DLG2: variants seen among roughly 807,000 people sequenced by gnomAD.
DLG2 encodes discs large MAGUK scaffold protein 2, also known as disks large homolog 2.
DLG2 carries 45 observed loss-of-function variants against 132.5 expected under a neutral mutation model. That is an observed-to-expected ratio of 0.34 (90% CI 0.27 to 0.44). DLG2 has a LOEUF of 0.44. DLG2 is among the 20% of genes least tolerant of loss of function. DLG2 has a pLI of 1.00. For missense variants in DLG2, 1,045 were observed against 1,196.9 expected, an observed-to-expected ratio of 0.87 and a Z score of 1.87; for synonymous variants, 424 against 419.6, an observed-to-expected ratio of 1.01 and a Z score of -0.13.
At chr11:84,709,272 C>T (rs1399991513) in intron 6 of DLG2, among the ~76,000 whole-genome samples, 2 of 151,886 alleles carry the variant, frequency 1.3e-5, no homozygotes, top group Non-Finnish European at 2.9e-5. Context: ...GTCTGGTTGA[C>T]ACAGTTAACT....
intron 3 of DLG2, among the ~76,000 whole-genome samples, chr11:85,447,489 A>C (rs2092062875): frequency 6.6e-6 from 1 of 152,178 alleles, no homozygotes; most frequent in Non-Finnish European, 1.5e-5. Context: ...ACCATATGAC[A>C]ATACAAGGGG....
rs566005531 is a variant in DLG2 at position 83,746,623 on chromosome 11, T to G, written c.1825+40067A>C. On this transcript the variant is annotated intron_variant, in intron 18 of 27. Coordinates refer to ENST00000376104, the MANE Select transcript of DLG2 (RefSeq NM_001142699.3). ...GGATAGCATTAGGAGATATACCTAA[T>G]GTAAATGACGAGTTACTGGGTGCAG... Among the ~76,000 whole-genome samples the G allele has an allele frequency of 7.2e-5, 11 of 152,236 alleles. No homozygotes were observed. In the East Asian group the frequency reaches 1.9e-3, roughly 27 times the overall value.
intron 6 of DLG2, among the ~76,000 whole-genome samples, chr11:84,938,250 A>G (rs1182550757): frequency 6.6e-6 from 1 of 152,156 alleles, no homozygotes; most frequent in Non-Finnish European, 1.5e-5. Context: ...AGCATCTTCC[A>G]CAGGGTTCTT....
At chr11:83,493,375 C>T (rs191303216) in intron 21 of DLG2, among the ~76,000 whole-genome samples, 1 of 71,288 alleles carries the variant, frequency 1.4e-5, no homozygotes, top group Non-Finnish European at 3.1e-5. Context: ...TTCCTTCCTT[C>T]CTTCCTTCCT....
rs138171986 is a variant in DLG2 at position 83,645,365 on chromosome 11, A to G, written c.1826-12040T>C. 5.3e-3 allele frequency among the ~76,000 whole-genome samples: 813 copies of G among 152,240 alleles called. 9 individuals carry two copies. The highest frequency in any genetic ancestry group is 0.019 in the African/African-American group (779 of 41,562). On this transcript the variant is annotated intron_variant, in intron 18 of 27. Transcript: ENST00000376104. ...ACATCTTTAACAGTTGAAGCAATTTATACACTTTAACAATTGAAGCAATTT... is the reference window on the plus strand; with the variant it reads ...ACATCTTTAACAGTTGAAGCAATTTGTACACTTTAACAATTGAAGCAATTT...
intron 3 of DLG2, among the ~76,000 whole-genome samples, chr11:85,296,383 C>T (rs945727089): frequency 6.6e-6 from 1 of 151,686 alleles, no homozygotes; most frequent in Non-Finnish European, 1.5e-5. Flanking sequence ...TAAAATACAA[C>T]ATCCCTCTCA....
chr11:83,515,802 A>G (rs1313222253), intron 21 of DLG2, among the ~76,000 whole-genome samples: 1 of 152,216 alleles, frequency 6.6e-6, no homozygotes, highest in Non-Finnish European at 1.5e-5. Flanking sequence ...ATTCAGGAGC[A>G]GGTTGTTCAG....
chr11:83,561,620 C>T (rs2096610458), intron 19 of DLG2, among the ~76,000 whole-genome samples: 3 of 152,176 alleles, frequency 2.0e-5, no homozygotes, highest in Admixed American at 2.0e-4. Context: ...TTAAGAATCA[C>T]ATACAGTGCT....
chr11:84,000,776 T>G (rs1183826585), intron 11 of DLG2, among the ~76,000 whole-genome samples: 1 of 151,774 alleles, frequency 6.6e-6, no homozygotes, highest in Non-Finnish European at 1.5e-5. Context: ...CTTAATAAAT[T>G]AAGAAAAAAT....
At chr11:84,236,253 A>C (rs1287748534) in intron 8 of DLG2, among the ~76,000 whole-genome samples, 1 of 152,254 alleles carries the variant, frequency 6.6e-6, no homozygotes, top group Non-Finnish European at 1.5e-5. Context: ...TGAGTTAAAT[A>C]AACTTTTGGC....
chr11:84,188,253 A>G (rs981363786), intron 8 of DLG2, among the ~76,000 whole-genome samples: 1 of 152,162 alleles, frequency 6.6e-6, no homozygotes, highest in Non-Finnish European at 1.5e-5. Context: ...TGAATACTCA[A>G]TATGCTTGTC....
chr11:84,216,333 G>T (rs1443815727), intron 8 of DLG2, among the ~76,000 whole-genome samples: 1 of 152,110 alleles, frequency 6.6e-6, no homozygotes, highest in Non-Finnish European at 1.5e-5. Flanking sequence ...TAGTTGATTA[G>T]CAACCATAAT....
chr11:84,941,120 G>A (rs2049362409), intron 6 of DLG2, among the ~76,000 whole-genome samples: 1 of 152,074 alleles, frequency 6.6e-6, no homozygotes. Context: ...TGCTGTTTTG[G>A]TTACTATAGC....
chr11:84,202,092 C>G (rs895581108), intron 8 of DLG2, among the ~76,000 whole-genome samples: 14 of 152,056 alleles, frequency 9.2e-5, no homozygotes, highest in Non-Finnish European at 1.9e-4. Flanking sequence ...GCTGTGATTA[C>G]AGGCAGGAGC....
At chr11:85,281,300 C>T (rs2078207341) in intron 4 of DLG2, among the ~76,000 whole-genome samples, 1 of 151,926 alleles carries the variant, frequency 6.6e-6, no homozygotes, top group Admixed American at 6.6e-5. Flanking sequence ...AAAATCACAT[C>T]AAAGTTTTGC....
chr11:84,231,088 G>A (rs562182600), intron 8 of DLG2, among the ~76,000 whole-genome samples: 2 of 152,300 alleles, frequency 1.3e-5, no homozygotes, highest in East Asian at 3.9e-4. Context: ...TTCAACCAAT[G>A]GATGAATTGA....
rs1213753727 is a variant in DLG2 at position 83,547,108 on chromosome 11, T to C, written c.1941-5250A>G. 3.9e-5 allele frequency among the ~76,000 whole-genome samples: 6 copies of C among 152,118 alleles called. No individual in the cohort carries two copies. In the South Asian group the frequency reaches 1.0e-3, roughly 26 times the overall value. ...ATTTAACAATCATGGACCTTAAAAGTATTGGTGTTTACTATGTAGACCAGG... is the reference window on the plus strand; with the variant it reads ...ATTTAACAATCATGGACCTTAAAAGCATTGGTGTTTACTATGTAGACCAGG... On this transcript the variant is annotated intron_variant, in intron 19 of 27. Transcript: ENST00000376104.
At chr11:85,364,111 C>G (rs916739677) in intron 3 of DLG2, among the ~76,000 whole-genome samples, 2 of 152,092 alleles carry the variant, frequency 1.3e-5, no homozygotes, top group Non-Finnish European at 2.9e-5. Flanking sequence ...CAGTAATAAG[C>G]ACCTTGGCTG....
At chr11:83,925,026 G>A (rs927236017) in intron 15 of DLG2, among the ~76,000 whole-genome samples, 7 of 152,068 alleles carry the variant, frequency 4.6e-5, no homozygotes, top group African/African-American at 1.4e-4. Flanking sequence ...CAACACTACC[G>A]CTTGTAATAA....
Sources: gnomAD v4.1 joint callset for allele counts (sites outside exome capture counted in the v4.1 genomes callset) on GRCh38, gnomAD v4.1.1 for gene constraint, MANE v1.5 for transcripts, NCBI Gene and HGNC (gene_info 2026-07-23, HGNC 2026-07-21) for gene names.